Variants in SLC2A9 observed in about 807,000 individuals in gnomAD.
SLC2A9 encodes solute carrier family 2 member 9, also known as solute carrier family 2, facilitated glucose transporter member 9.
In SLC2A9, 39 loss-of-function variants were observed where a neutral mutation model predicts 50.6. The observed-to-expected ratio is 0.77, with a 90% CI of 0.60 to 1.01. SLC2A9 has a LOEUF of 1.01. Ranked by LOEUF, SLC2A9 falls within the 50% of genes least tolerant of loss-of-function variation. SLC2A9 has a pLI of 0.00. For synonymous variants in SLC2A9, 324 were observed against 276.9 expected (o/e 1.17, Z -1.69); for missense variants, 686 against 677.6 (o/e 1.01, Z -0.14).
At chr4:10,036,046 G>T in intron 1 of SLC2A9, 1 of 204,142 alleles carries the variant, frequency 4.9e-6, no homozygotes. Flanking sequence ...GGCCTGTCAA[G>T]GGACTTCTCA....
chr4:9,943,969 G>C (rs1191268525), intron 5 of SLC2A9, among the ~76,000 whole-genome samples: 1 of 152,186 alleles, frequency 6.6e-6, no homozygotes, highest in Non-Finnish European at 1.5e-5. Flanking sequence ...CCTGTGCTGA[G>C]GCCTCCCAGC....
chr4:9,799,697 C>CA (rs1721100303), intron 3 of SLC2A9, among the ~76,000 whole-genome samples: 2 of 67,048 alleles, frequency 3.0e-5, no homozygotes, highest in African/African-American at 5.0e-5. Flanking sequence ...ATTGTACCCC[C>CA]CCCCCACCCA....
At chr4:9,911,498 C>T (rs903278412) in intron 7 of SLC2A9, among the ~76,000 whole-genome samples, 1 of 152,144 alleles carries the variant, frequency 6.6e-6, no homozygotes, top group African/African-American at 2.4e-5. Flanking sequence ...GCCCCGGAGC[C>T]CCGCCAGCCC....
At chr4:9,800,507 G>A (rs1441130756) in intron 3 of SLC2A9, among the ~76,000 whole-genome samples, 3 of 152,168 alleles carry the variant, frequency 2.0e-5, no homozygotes, top group Non-Finnish European at 2.9e-5. Context: ...CTCTCAGAAT[G>A]AAATCAACCC....
chr4:9,784,988 T>A (rs1413179069), intron 3 of SLC2A9, among the ~76,000 whole-genome samples: 1 of 152,202 alleles, frequency 6.6e-6, no homozygotes, highest in East Asian at 1.9e-4. Context: ...AACAGTGAGA[T>A]TGAAAGCAAA....
intron 3 of SLC2A9, among the ~76,000 whole-genome samples, chr4:9,989,333 A>G (rs1222611714): frequency 2.0e-5 from 3 of 152,170 alleles, no homozygotes; most frequent in African/African-American, 7.2e-5. Context: ...AAGAAGGGTT[A>G]AGGCTCCCCT....
intron 6 of SLC2A9, among the ~76,000 whole-genome samples, chr4:9,929,907 C>T (rs1745600829): frequency 1.3e-5 from 2 of 152,180 alleles, no homozygotes; most frequent in African/African-American, 4.8e-5. Context: ...CTCTTCCTGG[C>T]TGCAGACACT....
intron 3 of SLC2A9, among the ~76,000 whole-genome samples, chr4:9,987,340 A>T (rs994313190): frequency 6.6e-6 from 1 of 152,116 alleles, no homozygotes; most frequent in African/African-American, 2.4e-5. Context: ...GGATGGTCTC[A>T]AACTTCTGAC....
intron 10 of SLC2A9, among the ~76,000 whole-genome samples, chr4:9,860,093 C>T (rs1731370069): frequency 6.6e-6 from 1 of 152,166 alleles, no homozygotes; most frequent in Admixed American, 6.5e-5. Flanking sequence ...GAACAGCCCG[C>T]AGTTCCTGTT....
At chr4:9,912,297 A>T (rs1014500694) in intron 7 of SLC2A9, among the ~76,000 whole-genome samples, 9 of 149,108 alleles carry the variant, frequency 6.0e-5, no homozygotes, top group East Asian at 3.9e-4. Flanking sequence ...TAATAATAAT[A>T]AAAAAAAAAG....
At chr4:9,981,230 G>GGT (rs1755743748) in intron 4 of SLC2A9, among the ~76,000 whole-genome samples, 1 of 74,222 alleles carries the variant, frequency 1.3e-5, no homozygotes, top group African/African-American at 5.3e-5. Context: ...TGGTGGTGAT[G>GGT]ACTGTGATGA....
intron 3 of SLC2A9, among the ~76,000 whole-genome samples, chr4:9,805,617 C>T (rs1234715889): frequency 6.6e-6 from 1 of 151,218 alleles, no homozygotes; most frequent in Non-Finnish European, 1.5e-5. Context: ...ACAAGACTCG[C>T]TTGAACCTGG....
At chr4:9,906,029 T>A (rs1740600448) in intron 8 of SLC2A9, among the ~76,000 whole-genome samples, 1 of 152,194 alleles carries the variant, frequency 6.6e-6, no homozygotes, top group South Asian at 2.1e-4. Flanking sequence ...AAATCACACA[T>A]TATGGAAATC....
chr4:9,915,630 T>A (rs1742724733), intron 7 of SLC2A9, among the ~76,000 whole-genome samples: 2 of 152,266 alleles, frequency 1.3e-5, no homozygotes, highest in South Asian at 4.1e-4. Context: ...TTGTCCAAGA[T>A]CCCATAACTC....
chr4:9,811,974 G>C (rs1028671293), intron 3 of SLC2A9, among the ~76,000 whole-genome samples: 1 of 152,206 alleles, frequency 6.6e-6, no homozygotes, highest in Admixed American at 6.5e-5. Flanking sequence ...ACACGAGCCT[G>C]CTGTACATTA....
chr4:9,785,248 G>C (rs1267121379), intron 3 of SLC2A9, among the ~76,000 whole-genome samples: 5 of 152,186 alleles, frequency 3.3e-5, no homozygotes, highest in Non-Finnish European at 5.9e-5. Context: ...CTAGATCACT[G>C]TTTACCCAAT....
At chr4:9,817,244 C>T (rs1723731308) in intron 3 of SLC2A9, among the ~76,000 whole-genome samples, 1 of 152,200 alleles carries the variant, frequency 6.6e-6, no homozygotes, top group African/African-American at 2.4e-5. Flanking sequence ...CCCCATTTGC[C>T]CTGTAAGTTA....
chr4:9,991,627 A>C (rs896563606), intron 3 of SLC2A9, among the ~76,000 whole-genome samples: 1 of 152,122 alleles, frequency 6.6e-6, no homozygotes, highest in African/African-American at 2.4e-5. Context: ...ATGTGACTGC[A>C]TTTGGGGACA....
At position 9,890,071 on chromosome 4, in the gene SLC2A9, C is replaced by T. The variant is rs138840439; in HGVS notation, c.1215+539G>A. 2.9e-3 allele frequency among the ~76,000 whole-genome samples: 438 copies of T among 152,312 alleles called. 5 individuals carry two copies. Among genetic ancestry groups the T allele is most frequent in the African/African-American group, 0.01 (429 of 41,570 alleles). ...TTTTCTCATTTCATCCCACAACACC[C>T]CTGGATGAAGGGACGACTGTTTCAT... On this transcript the variant is annotated intron_variant, in intron 9 of 11. Transcript: ENST00000264784.
Sources: allele counts gnomAD v4.1 joint callset (sites outside exome capture counted in the v4.1 genomes callset), GRCh38; gene constraint gnomAD v4.1.1; transcripts MANE v1.5; gene names NCBI Gene and HGNC (gene_info 2026-07-23, HGNC 2026-07-21).